Variants in GRIP2 observed in about 807,000 individuals in gnomAD.
GRIP2 encodes the protein glutamate receptor-interacting protein 2.
In GRIP2, 58 loss-of-function variants were observed where a neutral mutation model predicts 108.3. That is an observed-to-expected ratio of 0.54 (90% CI 0.43 to 0.67). The LOEUF is 0.67. Among genes scored for constraint, GRIP2 ranks in the 30% least tolerant of loss-of-function variants. GRIP2 has a pLI of 0.00. For synonymous variants in GRIP2, 586 were observed against 598.2 expected (o/e 0.98, Z 0.30); for missense variants, 1,278 against 1,430.6 (o/e 0.89, Z 1.72).
In GRIP2 at chr3:14,547,666, C is replaced by A. The variant is rs183061144; in HGVS notation, c.55+8234G>T. 2.5e-3 allele frequency among the ~76,000 whole-genome samples: 382 copies of A among 152,274 alleles called. 1 individual carries two copies. The highest frequency in any genetic ancestry group is 4.5e-3 in the Non-Finnish European group (303 of 68,014). On this transcript the variant is annotated intron_variant, in intron 1 of 23. Transcript: ENST00000637182. ...GAGCGCTCCTGGGTGAGGGGTCAGG[C>A]CTTGCTGTCTGTCCACCCTCCCCAT...
At chr3:14,543,831 C>T (rs1695017283), upstream of GRIP2, among the ~76,000 whole-genome samples, 1 of 152,216 alleles carries the variant, frequency 6.6e-6, no homozygotes, top group South Asian at 2.1e-4. Context: ...TTCCATGTCC[C>T]CAGGTTTGTG....
chr3:14,597,482 T>C, the GRIP2 span, among the ~76,000 whole-genome samples: 5 of 152,266 alleles, frequency 3.3e-5, no homozygotes, highest in African/African-American at 9.6e-5. Flanking sequence ...CCCTGCAAAG[T>C]GGAGGCAGGG....
chr3:14,588,507 G>A, the GRIP2 span, among the ~76,000 whole-genome samples: 5 of 152,040 alleles, frequency 3.3e-5, no homozygotes, highest in Non-Finnish European at 7.4e-5. Context: ...GGCCTCTCCT[G>A]GGACCCAGGT....
chr3:14,500,713 A>G (rs560169717), intron 21 of GRIP2, among the ~76,000 whole-genome samples: 18 of 152,368 alleles, frequency 1.2e-4, no homozygotes, highest in African/African-American at 4.3e-4. Context: ...CAGAGCCTAA[A>G]GCAGTTTACC....
At chr3:14,544,524 G>C (rs570125755), upstream of GRIP2, among the ~76,000 whole-genome samples, 1 of 152,300 alleles carries the variant, frequency 6.6e-6, no homozygotes, top group African/African-American at 2.4e-5. Flanking sequence ...GGCTGAGTCC[G>C]TCATAACACA....
Position 14,496,457 on chromosome 3 carries a change from A to C in GRIP2, c.2783T>G (p.Met928Arg). 1 of 1,612,944 alleles carries C rather than the reference A, an allele frequency of 6.2e-7. No individual in the cohort carries two copies. The highest frequency in any genetic ancestry group is 1.3e-5 in the African/African-American group (1 of 75,040). Residue 928 changes from methionine to arginine, a missense_variant, in exon 22 of 24, where the codon ATG (methionine) becomes AGG (arginine). Coordinates refer to ENST00000621039, the MANE Select transcript of GRIP2 (RefSeq NM_001080423.4). ...GGGTGTAGGCAGCAACAGCTCCTCC[A>C]TTTCTGCAGGAGAGGCTCGTACCTC... is the stretch of plus-strand genomic sequence containing the variant. ...GREVRASPAE[M>R]EELLLPTPLE...
chr3:14,527,831 G>A (rs1694605922), intron 1 of GRIP2, among the ~76,000 whole-genome samples: 1 of 152,112 alleles, frequency 6.6e-6, no homozygotes, highest in Non-Finnish European at 1.5e-5. Context: ...AGGAGGCGGA[G>A]GTTGCAGTGA....
chr3:14,526,967 A>C (rs1016930333), intron 1 of GRIP2, among the ~76,000 whole-genome samples: 3 of 152,164 alleles, frequency 2.0e-5, no homozygotes, highest in Non-Finnish European at 2.9e-5. Flanking sequence ...CAGGTGGATC[A>C]CTTGAACCCA....
chr3:14,525,968 T>G (rs752795379), intron 1 of GRIP2, 37 bp from the exon 2 acceptor site: 2 of 1,525,796 alleles, frequency 1.3e-6, no homozygotes, highest in Non-Finnish European at 1.8e-6. Flanking sequence ...GAGTTCCACT[T>G]TCGTTTCCAT....
intron 1 of GRIP2, among the ~76,000 whole-genome samples, chr3:14,527,946 T>A (rs1046601482): frequency 3.9e-5 from 6 of 152,170 alleles, no homozygotes; most frequent in Non-Finnish European, 5.9e-5. Context: ...TAAAATTTAC[T>A]CTTTGTGGTG....
At chr3:14,566,334 C>T in the GRIP2 span, among the ~76,000 whole-genome samples, 1 of 152,358 alleles carries the variant, frequency 6.6e-6, no homozygotes, top group Non-Finnish European at 1.5e-5. Context: ...CAGAGTCACA[C>T]ACCACAGGAC....
At chr3:14,523,114 AC>A in intron 5 of GRIP2, 39 bp from the exon 6 acceptor site, 1 of 1,493,632 alleles carries the variant, frequency 6.7e-7, no homozygotes, top group Non-Finnish European at 9.2e-7. Context: ...TCATCCACCC[AC>A]CCCTTCCCAT....
At chr3:14,599,685 C>CTGTGTGTGTG in the GRIP2 span, among the ~76,000 whole-genome samples, 5 of 127,564 alleles carry the variant, frequency 3.9e-5, no homozygotes, top group Admixed American at 1.6e-4. Flanking sequence ...CTCTCTCTCT[C>CTGTGTGTGTG]TGTGTGTGTG....
intron 1 of GRIP2, among the ~76,000 whole-genome samples, chr3:14,535,538 G>C (rs1393365352): frequency 1.3e-5 from 2 of 152,196 alleles, no homozygotes; most frequent in African/African-American, 2.4e-5. Context: ...TCCTAAGCAC[G>C]ATCTCATTTA....
upstream of GRIP2, among the ~76,000 whole-genome samples, chr3:14,543,798 T>C (rs7632812): frequency 6.0e-3 from 919 of 152,312 alleles, 8 homozygotes; most frequent in African/African-American, 0.021. Flanking sequence ...CAGCCCCTCT[T>C]TGGTCAGGAG....
At chr3:14,550,344 C>T (rs572754360) in intron 1 of GRIP2, among the ~76,000 whole-genome samples, 12 of 152,360 alleles carry the variant, frequency 7.9e-5, no homozygotes, top group African/African-American at 9.6e-5. Flanking sequence ...GGAAGCCCTC[C>T]GGCTGGCTGG....
rs765627113 is a variant in GRIP2, at chr3:14,493,808, G to A, written c.2989C>T (p.Arg997Trp). 50 of 1,612,694 alleles carry A rather than the reference G, an allele frequency of 3.1e-5. No homozygotes were observed. Among genetic ancestry groups the A allele is most frequent in the Non-Finnish European group, 3.8e-5 (45 of 1,179,056 alleles). The change falls in exon 24 of 24, where the codon CGG (arginine) becomes TGG (tryptophan). Residue 997 changes from arginine to tryptophan, a missense_variant. Arg to Trp is a moderately radical substitution (Grantham distance 101). Transcript: ENST00000621039. ...ACCGCCAGGCAGCAGTCGAAGTCCCGTGTACGGACGTGGTTGACCTGCATG... is the reference window on the plus strand; with the variant it reads ...ACCGCCAGGCAGCAGTCGAAGTCCCATGTACGGACGTGGTTGACCTGCATG... ...RVLQVNHVRT[R>W]DFDCCLAVPL...
chr3:14,538,484 C>G (rs953151948), intron 1 of GRIP2, among the ~76,000 whole-genome samples: 1 of 152,178 alleles, frequency 6.6e-6, no homozygotes, highest in African/African-American at 2.4e-5. Flanking sequence ...ATGAAGCTCA[C>G]TAAAGTGAAG....
At chr3:14,547,392 AAGG>A (rs1203584198) in intron 1 of GRIP2, among the ~76,000 whole-genome samples, 2 of 152,228 alleles carry the variant, frequency 1.3e-5, no homozygotes, top group Non-Finnish European at 2.9e-5. Flanking sequence ...ATAGGGCATG[AAGG>A]AGAAGAAATA....
Sources: gnomAD v4.1 joint callset for allele counts (sites outside exome capture counted in the v4.1 genomes callset) on GRCh38, gnomAD v4.1.1 for gene constraint, MANE v1.5 for transcripts, NCBI Gene and HGNC (gene_info 2026-07-23, HGNC 2026-07-21) for gene names.